Variants in TPTE observed in about 807,000 individuals in gnomAD.
TPTE encodes the protein putative tyrosine-protein phosphatase TPTE.
Under a neutral mutation model 84.1 loss-of-function variants are expected in TPTE, and 59 were observed. That is an observed-to-expected ratio of 0.70 (90% confidence interval 0.57 to 0.87). TPTE has a LOEUF of 0.87. Among genes scored for constraint, TPTE ranks in the 40% least tolerant of loss-of-function variants. The pLI is 0.00. For synonymous variants in TPTE, 130 were observed against 223.5 expected (o/e 0.58, Z 3.73); for missense variants, 382 against 659.6 (o/e 0.58, Z 4.61).
At position 10,587,470 on chromosome 21, in the gene TPTE, T is replaced by C. The variant is rs564534807; in HGVS notation, c.1028-2992T>C. ...CACTTATGAGTGAGAACATATGGTA[T>C]TTGGTTTTTTGTTCCTGCATTAATT... On this transcript the variant is annotated intron_variant, in intron 17 of 23. Transcript: ENST00000618007. Among the ~76,000 whole-genome samples, 7 of 152,404 alleles carry C rather than the reference T, an allele frequency of 4.6e-5. No individual in the cohort carries two copies. In the East Asian group the frequency reaches 1.4e-3, roughly 29 times the overall value.
At chr21:10,580,934 TTAAA>T (rs1223903579) in intron 17 of TPTE, among the ~76,000 whole-genome samples, 103 of 152,186 alleles carry the variant, frequency 6.8e-4, no homozygotes, top group African/African-American at 2.4e-3. Flanking sequence ...GGTTTGGGCT[TTAAA>T]TAATCATCTA....
At chr21:10,529,183 CAA>C (rs3049947) in intron 3 of TPTE, among the ~76,000 whole-genome samples, 110 of 144,116 alleles carry the variant, frequency 7.6e-4, no homozygotes, top group African/African-American at 2.3e-3. Context: ...AACTCTGTCT[CAA>C]AAAAAAAAAA....
At chr21:10,594,030 G>A (rs1252130889) in intron 19 of TPTE, among the ~76,000 whole-genome samples, 1 of 152,308 alleles carries the variant, frequency 6.6e-6, no homozygotes, top group Non-Finnish European at 1.5e-5. Context: ...TTACTGAAGT[G>A]CAGCCCTAAT....
At chr21:10,580,069 T>G in intron 17 of TPTE, among the ~76,000 whole-genome samples, 1 of 152,304 alleles carries the variant, frequency 6.6e-6, no homozygotes, top group Non-Finnish European at 1.5e-5. Context: ...TGAGGATATC[T>G]CTTTGTGGTT....
At chr21:10,551,350 G>A (rs1469416847) in intron 7 of TPTE, among the ~76,000 whole-genome samples, 1 of 152,298 alleles carries the variant, frequency 6.6e-6, no homozygotes, top group Non-Finnish European at 1.5e-5. Context: ...ACGAGTTAAT[G>A]GGCGCAGCAC....
At chr21:10,552,207 G>A (rs571829699) in intron 7 of TPTE, among the ~76,000 whole-genome samples, 191 of 152,326 alleles carry the variant, frequency 1.3e-3, no homozygotes, top group Non-Finnish European at 2.4e-3. Flanking sequence ...AACTTAACAG[G>A]CTACATGTAG....
chr21:10,527,934 A>G (rs915826386), intron 3 of TPTE, among the ~76,000 whole-genome samples: 1 of 152,310 alleles, frequency 6.6e-6, no homozygotes, highest in African/African-American at 2.4e-5. Context: ...ATGGGCAAGA[A>G]TAATGTGTGC....
rs750850890 is a variant in TPTE at position 10,605,593 on chromosome 21, T to C, written c.*41T>C. On this transcript the variant is annotated 3_prime_UTR_variant, in exon 24 of 24. Coordinates refer to ENST00000618007, the MANE Select transcript of TPTE (RefSeq NM_199261.4). ...CCCCTTCTGGGAAAGAATTATGTTCTTTCCAACCCTGCCACATGTTCATAT... is the reference window on the plus strand; with the variant it reads ...CCCCTTCTGGGAAAGAATTATGTTCCTTCCAACCCTGCCACATGTTCATAT... 1 of 1,613,506 alleles carries C rather than the reference T, an allele frequency of 6.2e-7. No individual in the cohort carries two copies. Among genetic ancestry groups the C allele is most frequent in the South Asian group, 1.1e-5 (1 of 90,868 alleles).
chr21:10,579,955 T>A (rs374253297), intron 17 of TPTE, among the ~76,000 whole-genome samples: 584 of 151,322 alleles, frequency 3.9e-3, no homozygotes, highest in African/African-American at 0.014. Context: ...CCACAATAAC[T>A]ACTAATTTAC....
intron 18 of TPTE, 33 bp from the exon 19 acceptor site, chr21:10,592,260 T>C: frequency 6.2e-7 from 1 of 1,612,006 alleles, no homozygotes; most frequent in Non-Finnish European, 8.5e-7. Flanking sequence ...AGAGTGCAGA[T>C]GAACCATGGT....
chr21:10,545,767 A>G (rs550121502), intron 7 of TPTE, among the ~76,000 whole-genome samples: 123 of 151,782 alleles, frequency 8.1e-4, no homozygotes, highest in African/African-American at 2.9e-3. Flanking sequence ...ATATAGATAC[A>G]CATATCTATA....
intron 6 of TPTE, 55 bp downstream of exon 6, chr21:10,542,503 C>T (rs1177601968): frequency 6.3e-7 from 1 of 1,593,132 alleles, no homozygotes; most frequent in African/African-American, 1.3e-5. Flanking sequence ...TAGAACTATA[C>T]ACACACAGGC....
At chr21:10,598,695 C>A (rs2075635305) in intron 21 of TPTE, among the ~76,000 whole-genome samples, 1 of 152,304 alleles carries the variant, frequency 6.6e-6, no homozygotes, top group Non-Finnish European at 1.5e-5. Context: ...GCAAAAGGGA[C>A]CTGGTAGTCA....
intron 20 of TPTE, among the ~76,000 whole-genome samples, chr21:10,597,414 T>C (rs1428970089): frequency 1.6e-5 from 1 of 62,544 alleles, no homozygotes; most frequent in Non-Finnish European, 2.6e-5. Flanking sequence ...TCTTTTTTCT[T>C]TTTTTTTTTT....
intron 10 of TPTE, among the ~76,000 whole-genome samples, chr21:10,562,006 C>T (rs554990749): frequency 1.4e-4 from 22 of 152,416 alleles, no homozygotes; most frequent in African/African-American, 3.1e-4. Flanking sequence ...GCTTATGTCA[C>T]TCAACCCCAA....
At chr21:10,579,308 T>C (rs1600944537) in intron 17 of TPTE, among the ~76,000 whole-genome samples, 1 of 152,310 alleles carries the variant, frequency 6.6e-6, no homozygotes, top group Non-Finnish European at 1.5e-5. Flanking sequence ...GATCACATGG[T>C]GAAGCCCCAT....
At chr21:10,555,087 C>T (rs2074655910) in intron 8 of TPTE, among the ~76,000 whole-genome samples, 2 of 152,310 alleles carry the variant, frequency 1.3e-5, no homozygotes, top group African/African-American at 4.8e-5. Context: ...TGTCATGTAG[C>T]TTCCACCTTC....
intron 17 of TPTE, among the ~76,000 whole-genome samples, chr21:10,586,048 T>TC (rs1415988829): frequency 6.6e-6 from 1 of 151,248 alleles, no homozygotes; most frequent in Non-Finnish European, 1.5e-5. Context: ...ATTTGTGGTC[T>TC]CTATTTTTTA....
chr21:10,562,049 CTGTT>C (rs200250957), intron 10 of TPTE, among the ~76,000 whole-genome samples: 4,226 of 150,230 alleles, frequency 0.028, 2 homozygotes, highest in East Asian at 0.15. Context: ...GAGAGAGACT[CTGTT>C]TGTTTGGGAG....
Sources: allele counts gnomAD v4.1 joint callset (sites outside exome capture counted in the v4.1 genomes callset), GRCh38; gene constraint gnomAD v4.1.1; transcripts MANE v1.5; gene names NCBI Gene and HGNC (gene_info 2026-07-23, HGNC 2026-07-21).